Variants in CCSER1 observed in about 807,000 individuals in gnomAD.
CCSER1 encodes coiled-coil serine rich protein 1.
In CCSER1, 41 loss-of-function variants were observed where a neutral mutation model predicts 82.0. That is an observed-to-expected ratio of 0.50 (90% CI 0.39 to 0.65). The LOEUF (loss-of-function observed/expected upper bound fraction) is 0.65. Ranked by LOEUF, CCSER1 falls within the 30% of genes least tolerant of loss-of-function variation. The pLI is 0.00. For missense variants in CCSER1, 1,119 were observed against 1,064.2 expected (o/e 1.05, Z -0.72); for synonymous variants, 414 against 383.9 (o/e 1.08, Z -0.92).
At chr4:90,789,453 C>T (rs1234011742) in intron 7 of CCSER1, among the ~76,000 whole-genome samples, 2 of 152,066 alleles carry the variant, frequency 1.3e-5, no homozygotes, top group African/African-American at 4.8e-5. Flanking sequence ...ATTTTCTGAT[C>T]AGATATTTCT....
intron 8 of CCSER1, among the ~76,000 whole-genome samples, chr4:90,851,879 G>GT (rs1244618483): frequency 2.6e-5 from 4 of 152,048 alleles, no homozygotes; most frequent in African/African-American, 9.7e-5. Context: ...TTACTCCTCA[G>GT]TTTTTTAATT....
chr4:91,195,960 C>T (rs559235395), intron 10 of CCSER1, among the ~76,000 whole-genome samples: 29 of 151,940 alleles, frequency 1.9e-4, no homozygotes, highest in African/African-American at 7.0e-4. Flanking sequence ...CCTCGTGATC[C>T]GCCCACCTCG....
At chr4:91,434,869 G>C (rs1481387706) in intron 10 of CCSER1, among the ~76,000 whole-genome samples, 1 of 152,164 alleles carries the variant, frequency 6.6e-6, no homozygotes, top group Non-Finnish European at 1.5e-5. Flanking sequence ...ATAGTCCAAT[G>C]ATGATGACAT....
At chr4:91,217,760 C>T (rs1012916559) in intron 10 of CCSER1, among the ~76,000 whole-genome samples, 7 of 152,160 alleles carry the variant, frequency 4.6e-5, no homozygotes, top group African/African-American at 1.2e-4. Flanking sequence ...TCCACATCCT[C>T]ACCAGAGCAG....
At chr4:90,875,852 C>A (rs1032020674) in intron 8 of CCSER1, among the ~76,000 whole-genome samples, 1 of 152,016 alleles carries the variant, frequency 6.6e-6, no homozygotes, top group African/African-American at 2.4e-5. Context: ...AAGCATTCTG[C>A]AGAATATAGT....
chr4:91,092,939 T>G (rs578204572), intron 10 of CCSER1, among the ~76,000 whole-genome samples: 1 of 152,288 alleles, frequency 6.6e-6, no homozygotes, highest in African/African-American at 2.4e-5. Context: ...CCTTTTGGGG[T>G]TTCCATACTG....
intron 8 of CCSER1, among the ~76,000 whole-genome samples, chr4:90,835,133 C>G (rs1219902160): frequency 6.6e-6 from 1 of 152,062 alleles, no homozygotes; most frequent in East Asian, 1.9e-4. Context: ...AGATTAAGAC[C>G]ACCCTGGCTA....
Position 91,348,820 on chromosome 4 carries a change from C to A in CCSER1, c.2218-249752C>A, listed in dbSNP as rs552921127. On this transcript the variant is annotated intron_variant, in intron 10 of 10. Transcript: ENST00000509176. Reference sequence around the variant, plus strand: ...GTTGCTTTTTTATTTCTCATCATAGCAATTTGGGTCTCTCATTATTTCTTC... The same window carrying A: ...GTTGCTTTTTTATTTCTCATCATAGAAATTTGGGTCTCTCATTATTTCTTC... 1.1e-4 allele frequency among the ~76,000 whole-genome samples: 17 copies of A among 152,196 alleles called. No homozygotes were observed. In the Middle Eastern group the frequency reaches 0.01, roughly 91 times the overall value.
At chr4:90,486,673 C>T (rs753766735) in intron 5 of CCSER1, among the ~76,000 whole-genome samples, 2 of 152,106 alleles carry the variant, frequency 1.3e-5, no homozygotes, top group Non-Finnish European at 2.9e-5. Context: ...AGGAAGTCAG[C>T]CAAGGGCTTC....
At chr4:90,552,137 C>A (rs532896356) in intron 5 of CCSER1, among the ~76,000 whole-genome samples, 1 of 152,050 alleles carries the variant, frequency 6.6e-6, no homozygotes, top group African/African-American at 2.4e-5. Context: ...AAAGGCCCCA[C>A]GACTTAATAT....
At chr4:91,303,143 A>T (rs1451702255) in intron 10 of CCSER1, among the ~76,000 whole-genome samples, 1 of 152,048 alleles carries the variant, frequency 6.6e-6, no homozygotes, top group Admixed American at 6.6e-5. Context: ...AGTCTAGTTC[A>T]TGTTAAGAAT....
intron 5 of CCSER1, among the ~76,000 whole-genome samples, chr4:90,622,307 A>G (rs950703937): frequency 1.3e-5 from 2 of 152,178 alleles, no homozygotes; most frequent in African/African-American, 4.8e-5. Context: ...TCTAGGGTAC[A>G]TGTGCACAAC....
intron 10 of CCSER1, among the ~76,000 whole-genome samples, chr4:91,246,933 T>A (rs1315949619): frequency 6.6e-6 from 1 of 151,894 alleles, no homozygotes; most frequent in Non-Finnish European, 1.5e-5. Context: ...TAATTACATA[T>A]CTCTCAGCAC....
At chr4:90,584,443 C>G (rs1002834235) in intron 5 of CCSER1, among the ~76,000 whole-genome samples, 9 of 152,114 alleles carry the variant, frequency 5.9e-5, no homozygotes, top group Non-Finnish European at 4.4e-5. Context: ...ACAGAAAAAG[C>G]TTGGGGGTGA....
At chr4:90,830,912 C>T (rs888848124) in intron 8 of CCSER1, among the ~76,000 whole-genome samples, 5 of 151,960 alleles carry the variant, frequency 3.3e-5, no homozygotes, top group Non-Finnish European at 5.9e-5. Flanking sequence ...AACAGATATC[C>T]CATCCATATA....
At chr4:91,194,867 T>G (rs1392458832) in intron 10 of CCSER1, among the ~76,000 whole-genome samples, 1 of 152,112 alleles carries the variant, frequency 6.6e-6, no homozygotes, top group African/African-American at 2.4e-5. Flanking sequence ...TTAATTGGAG[T>G]CTTTAACAGA....
chr4:90,783,980 G>GA (rs915570754), intron 7 of CCSER1, among the ~76,000 whole-genome samples: 164 of 151,726 alleles, frequency 1.1e-3, no homozygotes, highest in African/African-American at 3.6e-3. Flanking sequence ...CAAAAAAAAA[G>GA]AAAAAAAACT....
chr4:91,225,095 G>A (rs944238493), intron 10 of CCSER1, among the ~76,000 whole-genome samples: 1 of 147,020 alleles, frequency 6.8e-6, no homozygotes, highest in Non-Finnish European at 1.5e-5. Context: ...ATCACAGTAA[G>A]GTAGAATTCT....
At chr4:91,272,191 G>C (rs187296397) in intron 10 of CCSER1, among the ~76,000 whole-genome samples, 20 of 152,276 alleles carry the variant, frequency 1.3e-4, no homozygotes, top group African/African-American at 3.8e-4. Flanking sequence ...GTTTTCCATA[G>C]TGGTTGTACT....
Sources: gnomAD v4.1 joint callset for allele counts (sites outside exome capture counted in the v4.1 genomes callset) on GRCh38, gnomAD v4.1.1 for gene constraint, MANE v1.5 for transcripts, NCBI Gene and HGNC (gene_info 2026-07-23, HGNC 2026-07-21) for gene names.